Variants in ANKS1B observed in about 807,000 individuals in gnomAD.
The protein encoded by ANKS1B is ankyrin repeat and sterile alpha motif domain-containing protein 1B.
A neutral mutation model predicts 148.3 loss-of-function variants in ANKS1B; 36 were observed. The observed-to-expected ratio is 0.24, with a 90% CI of 0.19 to 0.32. The LOEUF is 0.32. ANKS1B is among the 10% of genes least tolerant of loss of function. ANKS1B has a pLI of 1.00. For missense variants in ANKS1B, 1,157 were observed against 1,542.6 expected (o/e 0.75, Z 4.19); for synonymous variants, 542 against 560.8 (o/e 0.97, Z 0.47).
intron 12 of ANKS1B, among the ~76,000 whole-genome samples, chr12:99,351,668 A>G (rs988834639): frequency 1.3e-5 from 2 of 152,072 alleles, no homozygotes; most frequent in Non-Finnish European, 2.9e-5. Context: ...AAGAGCAATC[A>G]CGGTATATGA....
chr12:99,634,519 G>T (rs986612022), intron 9 of ANKS1B, among the ~76,000 whole-genome samples: 1 of 152,054 alleles, frequency 6.6e-6, no homozygotes, highest in Non-Finnish European at 1.5e-5. Flanking sequence ...TCTATTTAAT[G>T]CATAAAAAGA....
chr12:98,735,397 T>G, exon 10 of ANKS1B: 1 of 429,192 alleles, frequency 2.3e-6, no homozygotes, highest in Admixed American at 4.0e-5. Flanking sequence ...AAAAAATTTT[T>G]GTAAAAATAA....
intron 26 of ANKS1B, among the ~76,000 whole-genome samples, chr12:98,747,743 G>GTA (rs1565974683): frequency 6.6e-6 from 1 of 152,182 alleles, no homozygotes. Context: ...AGAAAATGTG[G>GTA]TATATATACA....
chr12:99,618,665 C>T (rs2098004895), intron 9 of ANKS1B, among the ~76,000 whole-genome samples: 1 of 152,094 alleles, frequency 6.6e-6, no homozygotes, highest in Non-Finnish European at 1.5e-5. Flanking sequence ...AGAAAGAGCA[C>T]TTTGTTTCTC....
chr12:99,695,558 T>C (rs1259326203), intron 8 of ANKS1B, among the ~76,000 whole-genome samples: 1 of 152,230 alleles, frequency 6.6e-6, no homozygotes, highest in African/African-American at 2.4e-5. Flanking sequence ...GGTGCCTCAC[T>C]AATGAAAGAT....
At chr12:99,119,425 T>G (rs760824239) in intron 15 of ANKS1B, among the ~76,000 whole-genome samples, 1 of 152,020 alleles carries the variant, frequency 6.6e-6, no homozygotes, top group African/African-American at 2.4e-5. Flanking sequence ...AAGATAAATG[T>G]TTTTTTTAGC....
chr12:98,872,016 G>A (rs2099671728), intron 17 of ANKS1B, among the ~76,000 whole-genome samples: 1 of 152,164 alleles, frequency 6.6e-6, no homozygotes, highest in South Asian at 2.1e-4. Flanking sequence ...GGAATATTTG[G>A]TATAAATGTA....
chr12:98,955,941 A>G (rs74993882), intron 17 of ANKS1B, among the ~76,000 whole-genome samples: 1 of 152,182 alleles, frequency 6.6e-6, no homozygotes, highest in South Asian at 2.1e-4. Context: ...CTTTTTGTCT[A>G]CTTCCTCATA....
intron 14 of ANKS1B, among the ~76,000 whole-genome samples, chr12:99,235,039 T>C (rs2087638822): frequency 6.6e-6 from 1 of 152,106 alleles, no homozygotes; most frequent in Non-Finnish European, 1.5e-5. Flanking sequence ...ATAACAATGA[T>C]TCTTTGGGGA....
At chr12:99,217,263 T>C (rs995827379) in intron 14 of ANKS1B, among the ~76,000 whole-genome samples, 2 of 151,986 alleles carry the variant, frequency 1.3e-5, no homozygotes, top group Admixed American at 1.3e-4. Context: ...CGACTTAAAG[T>C]CACTCATGTG....
At position 98,840,475 on chromosome 12, in the gene ANKS1B, A is replaced by G. The variant is rs551473867; in HGVS notation, c.2779-8339T>C. Among the ~76,000 whole-genome samples, 215 of 152,300 alleles carry G rather than the reference A, an allele frequency of 1.4e-3. 1 individual carries two copies. Among genetic ancestry groups the G allele is most frequent in the African/African-American group, 5.0e-3 (209 of 41,580 alleles). ...AGTTATACAGCTCCAGAGAGAGCAA[A>G]GGATAGTGAGAAAGAGCGAGGGAGG... On this transcript the variant is annotated intron_variant, in intron 17 of 26. Transcript: ENST00000683438.
chr12:99,845,030 G>A (rs963759518), intron 1 of ANKS1B, among the ~76,000 whole-genome samples: 11 of 151,832 alleles, frequency 7.2e-5, no homozygotes, highest in Admixed American at 3.3e-4. Context: ...TTTGGCTCTC[G>A]GCTTGCCTCT....
intron 16 of ANKS1B, among the ~76,000 whole-genome samples, chr12:99,083,241 G>A (rs2050448784): frequency 6.6e-6 from 1 of 152,182 alleles, no homozygotes. Context: ...GAGGGAGAAA[G>A]TATAGCCTCT....
intron 12 of ANKS1B, among the ~76,000 whole-genome samples, chr12:99,324,558 C>T (rs2085940043): frequency 2.0e-5 from 3 of 152,128 alleles, no homozygotes; most frequent in Non-Finnish European, 4.4e-5. Flanking sequence ...CTATATTAGG[C>T]TGTATTTGAT....
chr12:99,954,385 A>G (rs1200827607), intron 1 of ANKS1B, among the ~76,000 whole-genome samples: 1 of 152,190 alleles, frequency 6.6e-6, no homozygotes, highest in Non-Finnish European at 1.5e-5. Context: ...GCCTAACTAT[A>G]TCAACTCCAA....
At chr12:99,103,323 C>T (rs562579718) in intron 15 of ANKS1B, among the ~76,000 whole-genome samples, 216 of 152,266 alleles carry the variant, frequency 1.4e-3, no homozygotes, top group African/African-American at 5.0e-3. Flanking sequence ...CTTACCTTGA[C>T]GCCCCTCAGT....
intron 12 of ANKS1B, among the ~76,000 whole-genome samples, chr12:99,317,113 G>A (rs1187748609): frequency 6.6e-6 from 1 of 152,020 alleles, no homozygotes; most frequent in African/African-American, 2.4e-5. Flanking sequence ...ATGCCTCCAG[G>A]TTTGTTCTTT....
At chr12:99,857,020 GA>G (rs2089239378) in intron 1 of ANKS1B, among the ~76,000 whole-genome samples, 1 of 152,140 alleles carries the variant, frequency 6.6e-6, no homozygotes, top group Admixed American at 6.5e-5. Context: ...CATAGTATTG[GA>G]AGTCCTAGCC....
At position 99,246,181 on chromosome 12, in the gene ANKS1B, C is replaced by T. The variant is rs534938492; in HGVS notation, c.2346+94G>A. ...GAGCCGTATGCTTTTTTTTTTCTTG[C>T]TTTTGAAAGAGCTAAAAAGCTGAAA... On this transcript the variant is annotated intron_variant, in intron 13 of 26. Coordinates refer to ENST00000683438, the MANE Select transcript of ANKS1B (RefSeq NM_001352186.2). 416 of 928,440 alleles carry T rather than the reference C, an allele frequency of 4.5e-4. 1 individual carries two copies. Among genetic ancestry groups the T allele is most frequent in the African/African-American group, 3.4e-3 (201 of 59,084 alleles). The allele number at this position is 928,440 out of a possible 1,614,324, so 57.5% of individuals were successfully genotyped here. A position where few individuals can be genotyped will look rare whatever the true frequency, so the allele number is the denominator to read the frequency against.
Sources: gnomAD v4.1 joint callset for allele counts (sites outside exome capture counted in the v4.1 genomes callset) on GRCh38, gnomAD v4.1.1 for gene constraint, MANE v1.5 for transcripts, NCBI Gene and HGNC (gene_info 2026-07-23, HGNC 2026-07-21) for gene names.